Variants in ADGRL3 observed in about 807,000 individuals in gnomAD.
The protein encoded by ADGRL3 is calcium-independent alpha-latrotoxin receptor 3.
In ADGRL3, 62 loss-of-function variants were observed where a neutral mutation model predicts 153.5. That is an observed-to-expected ratio of 0.40 (90% CI 0.33 to 0.50). ADGRL3 has a LOEUF of 0.50. Ranked by LOEUF, ADGRL3 falls within the 20% of genes least tolerant of loss-of-function variation. The pLI, the probability that ADGRL3 is intolerant of heterozygous loss-of-function variation, is 0.47. For synonymous variants in ADGRL3, 710 were observed against 672.5 expected, an observed-to-expected ratio of 1.06 and a Z score of -0.86; for missense variants, 1,641 against 1,859.4, an observed-to-expected ratio of 0.88 and a Z score of 2.16.
At chr4:61,895,271 G>A (rs2149641676) in intron 10 of ADGRL3, among the ~76,000 whole-genome samples, 1 of 152,206 alleles carries the variant, frequency 6.6e-6, no homozygotes, top group South Asian at 2.1e-4. Context: ...TTTGAGACCA[G>A]CCTGGCCAAT....
chr4:61,456,762 G>A (rs1368324621), intron 2 of ADGRL3, among the ~76,000 whole-genome samples: 1 of 151,580 alleles, frequency 6.6e-6, no homozygotes, highest in African/African-American at 2.4e-5. Context: ...AAGTCATAAT[G>A]AGAAAATGGA....
chr4:61,887,743 G>T (rs950341155), intron 9 of ADGRL3, among the ~76,000 whole-genome samples: 2 of 152,180 alleles, frequency 1.3e-5, no homozygotes, highest in African/African-American at 4.8e-5. Context: ...TGCTCAGGAG[G>T]CTGAGGCAGG....
intron 1 of ADGRL3, among the ~76,000 whole-genome samples, chr4:61,382,744 C>T (rs1000610206): frequency 2.0e-5 from 3 of 151,606 alleles, no homozygotes; most frequent in Non-Finnish European, 4.4e-5. Context: ...TACCTAATGG[C>T]AAAAGTGGTA....
intron 8 of ADGRL3, among the ~76,000 whole-genome samples, chr4:61,740,603 GT>G: frequency 6.6e-6 from 1 of 152,262 alleles, no homozygotes. Context: ...ATATTCACGT[GT>G]TTTCCAGTAT....
At chr4:62,039,746 T>C (rs1727133801) in intron 24 of ADGRL3, among the ~76,000 whole-genome samples, 1 of 152,120 alleles carries the variant, frequency 6.6e-6, no homozygotes, top group Non-Finnish European at 1.5e-5. Context: ...AGACTCATAA[T>C]CCCTTGCTCT....
At chr4:61,722,245 A>C (rs1424255726) in intron 6 of ADGRL3, among the ~76,000 whole-genome samples, 8 of 152,224 alleles carry the variant, frequency 5.3e-5, no homozygotes, top group Admixed American at 2.0e-4. Context: ...AGCTGTAAGA[A>C]GTCAAGTTAG....
At chr4:61,749,510 C>T (rs373144009) in intron 8 of ADGRL3, among the ~76,000 whole-genome samples, 9 of 152,098 alleles carry the variant, frequency 5.9e-5, no homozygotes, top group Admixed American at 1.3e-4. Flanking sequence ...ACATATACAC[C>T]GTGGAATACT....
At chr4:61,296,197 T>A (rs1020326401) in intron 1 of ADGRL3, among the ~76,000 whole-genome samples, 6 of 150,156 alleles carry the variant, frequency 4.0e-5, no homozygotes, top group African/African-American at 1.3e-4. Flanking sequence ...AATAATACTG[T>A]TTTTTCTGTT....
At chr4:61,446,366 C>A (rs561185710) in intron 2 of ADGRL3, among the ~76,000 whole-genome samples, 21 of 152,246 alleles carry the variant, frequency 1.4e-4, no homozygotes, top group African/African-American at 5.1e-4. Context: ...TGATTTCAGG[C>A]AAGTTAATCT....
At chr4:61,658,943 TC>T (rs1337337878) in intron 5 of ADGRL3, among the ~76,000 whole-genome samples, 1 of 152,170 alleles carries the variant, frequency 6.6e-6, no homozygotes, top group African/African-American at 2.4e-5. Flanking sequence ...CTTTGACAGT[TC>T]TAGCGGCTAG....
chr4:61,852,947 A>G (rs1471735785), intron 9 of ADGRL3, among the ~76,000 whole-genome samples: 1 of 152,116 alleles, frequency 6.6e-6, no homozygotes, highest in African/African-American at 2.4e-5. Flanking sequence ...AGGAAACTTT[A>G]GTGCTATAGA....
At chr4:61,792,122 C>G (rs1217236164) in intron 8 of ADGRL3, among the ~76,000 whole-genome samples, 2 of 152,224 alleles carry the variant, frequency 1.3e-5, no homozygotes, top group Admixed American at 1.3e-4. Context: ...TTTTCTATCA[C>G]ATTGTCAGGC....
chr4:61,812,987 A>T (rs1296312789), intron 8 of ADGRL3, among the ~76,000 whole-genome samples: 2 of 152,238 alleles, frequency 1.3e-5, no homozygotes, highest in African/African-American at 4.8e-5. Context: ...CATAATTGTA[A>T]AGTGATCTAA....
chr4:61,326,063 A>G (rs1032281975), intron 1 of ADGRL3, among the ~76,000 whole-genome samples: 37 of 152,118 alleles, frequency 2.4e-4, no homozygotes, highest in African/African-American at 8.5e-4. Flanking sequence ...TTTGATTCCA[A>G]CACCTATGAT....
chr4:61,540,969 A>G (rs2098687170), intron 4 of ADGRL3, among the ~76,000 whole-genome samples: 1 of 152,184 alleles, frequency 6.6e-6, no homozygotes, highest in African/African-American at 2.4e-5. Context: ...AAATAGCTGT[A>G]TATGTTTAGT....
intron 4 of ADGRL3, among the ~76,000 whole-genome samples, chr4:61,522,455 G>A (rs112454134): frequency 6.6e-6 from 1 of 152,032 alleles, no homozygotes; most frequent in African/African-American, 2.4e-5. Flanking sequence ...GAAAATAAAA[G>A]CTGTGATCAA....
intron 8 of ADGRL3, among the ~76,000 whole-genome samples, chr4:61,756,617 C>A (rs2096834508): frequency 6.6e-6 from 1 of 152,148 alleles, no homozygotes; most frequent in Non-Finnish European, 1.5e-5. Flanking sequence ...TTATTTCTTT[C>A]TCTTGCCTGA....
chr4:61,413,594 G>A lies in ADGRL3; in HGVS notation c.-174+30405G>A, dbSNP rs149809784. ...TCTGTTGTTTGCCTGGAGTAGTGCAGTGTTTATCTAAAAGTTTTCTGAATT... is the reference window on the plus strand; with the variant it reads ...TCTGTTGTTTGCCTGGAGTAGTGCAATGTTTATCTAAAAGTTTTCTGAATT... On this transcript the variant is annotated intron_variant, in intron 2 of 26. Transcript: ENST00000683033. 4.4e-3 allele frequency among the ~76,000 whole-genome samples: 665 copies of A among 152,254 alleles called. 7 individuals carry two copies. The highest frequency in any genetic ancestry group is 0.015 in the African/African-American group (635 of 41,554).
chr4:61,575,126 C>G (rs983582143), intron 4 of ADGRL3, among the ~76,000 whole-genome samples: 1 of 151,852 alleles, frequency 6.6e-6, no homozygotes, highest in Admixed American at 6.6e-5. Flanking sequence ...CCCTCATTTA[C>G]TCTTTTTTGG....
Sources: gnomAD v4.1 joint callset for allele counts (sites outside exome capture counted in the v4.1 genomes callset) on GRCh38, gnomAD v4.1.1 for gene constraint, MANE v1.5 for transcripts, NCBI Gene and HGNC (gene_info 2026-07-23, HGNC 2026-07-21) for gene names.